ZDHHC14: variants seen among roughly 807,000 people sequenced by gnomAD.
ZDHHC14 encodes the protein zDHHC palmitoyltransferase 14, also known as palmitoyltransferase ZDHHC14.
ZDHHC14 carries 16 observed loss-of-function variants against 47.7 expected under a neutral mutation model. The ratio of observed to expected loss-of-function variants is 0.34; its 90% CI spans 0.23 to 0.51. ZDHHC14 has a LOEUF of 0.51. Ranked by LOEUF, ZDHHC14 falls within the 20% of genes least tolerant of loss-of-function variation. The pLI, the probability that ZDHHC14 is intolerant of heterozygous loss-of-function variation, is 0.97. For missense variants in ZDHHC14, 515 were observed against 662.5 expected, an observed-to-expected ratio of 0.78 and a Z score of 2.44; for synonymous variants, 293 against 278.9, an observed-to-expected ratio of 1.05 and a Z score of -0.50.
intron 1 of ZDHHC14, among the ~76,000 whole-genome samples, chr6:157,426,731 C>G (rs1364040974): frequency 6.6e-6 from 1 of 152,142 alleles, no homozygotes; most frequent in Non-Finnish European, 1.5e-5. Flanking sequence ...GGATGGGGAG[C>G]TGGAAGCCGC....
chr6:157,677,023 C>T lies in ZDHHC14; in HGVS notation c.*3901C>T, dbSNP rs1778980741. The stretch of plus-strand genomic sequence containing the variant: ...AATAAAGGAGAACAAATATTAAATA[C>T]TCTTTTCTAATTGATGCCTTACTAC... On this transcript the variant is annotated 3_prime_UTR_variant, in exon 9 of 9. Transcript: ENST00000359775. 6.6e-6 allele frequency: 1 copy of T among 152,198 alleles called. No homozygotes were observed. Among genetic ancestry groups the T allele is most frequent in the Admixed American group, 6.5e-5 (1 of 15,288 alleles). The allele number at this position is 152,198 out of a possible 1,614,324, so 9.4% of individuals were successfully genotyped here.
intron 1 of ZDHHC14, among the ~76,000 whole-genome samples, chr6:157,493,257 C>T (rs1345344117): frequency 6.6e-6 from 1 of 152,188 alleles, no homozygotes; most frequent in Non-Finnish European, 1.5e-5. Context: ...GGCGGAAAGG[C>T]AAGTTGGGGA....
chr6:157,480,563 G>A (rs190365782), intron 1 of ZDHHC14, among the ~76,000 whole-genome samples: 13 of 152,320 alleles, frequency 8.5e-5, no homozygotes, highest in Admixed American at 4.6e-4. Context: ...CACTGTGCCC[G>A]GCCTAGGCCA....
At chr6:157,417,277 G>A (rs1778002299) in intron 1 of ZDHHC14, among the ~76,000 whole-genome samples, 1 of 152,070 alleles carries the variant, frequency 6.6e-6, no homozygotes, top group Admixed American at 6.5e-5. Flanking sequence ...CATCTGCTCT[G>A]CCTAGTTAGA....
intron 1 of ZDHHC14, among the ~76,000 whole-genome samples, chr6:157,540,328 C>G (rs966284231): frequency 3.9e-5 from 6 of 152,262 alleles, no homozygotes; most frequent in Non-Finnish European, 8.8e-5. Flanking sequence ...GGACAGGGAA[C>G]GGTGGAGGGC....
chr6:157,616,012 A>G (rs1215885410), intron 3 of ZDHHC14, among the ~76,000 whole-genome samples: 1 of 152,172 alleles, frequency 6.6e-6, no homozygotes, highest in Non-Finnish European at 1.5e-5. Context: ...CTGCAGACAC[A>G]TTGGGGGTGC....
At chr6:157,524,693 AT>A (rs1328291782) in intron 1 of ZDHHC14, among the ~76,000 whole-genome samples, 4 of 152,234 alleles carry the variant, frequency 2.6e-5, no homozygotes, top group African/African-American at 9.6e-5. Flanking sequence ...TTAACTAATA[AT>A]TTAAAAGGTT....
At chr6:157,654,686 G>A (rs1298116030) in intron 8 of ZDHHC14, among the ~76,000 whole-genome samples, 1 of 151,876 alleles carries the variant, frequency 6.6e-6, no homozygotes, top group Non-Finnish European at 1.5e-5. Context: ...TGGTGGTGGT[G>A]GTGTCTTGTT....
chr6:157,528,621 A>G (rs1781251047), intron 1 of ZDHHC14, among the ~76,000 whole-genome samples: 1 of 152,050 alleles, frequency 6.6e-6, no homozygotes, highest in Non-Finnish European at 1.5e-5. Context: ...AGTCCCAGCT[A>G]CTCGGGAGGT....
At chr6:157,423,200 T>C (rs960163767) in intron 1 of ZDHHC14, among the ~76,000 whole-genome samples, 2 of 152,208 alleles carry the variant, frequency 1.3e-5, no homozygotes, top group African/African-American at 4.8e-5. Context: ...CATGTGACTT[T>C]AGGCCTTAAT....
chr6:157,386,708 A>G (rs1460705431), intron 1 of ZDHHC14, among the ~76,000 whole-genome samples: 1 of 152,212 alleles, frequency 6.6e-6, no homozygotes, highest in Non-Finnish European at 1.5e-5. Flanking sequence ...AGTGCTATCC[A>G]GACAGCTCAC....
At chr6:157,592,121 A>G (rs993684916) in intron 2 of ZDHHC14, among the ~76,000 whole-genome samples, 11 of 151,984 alleles carry the variant, frequency 7.2e-5, no homozygotes, top group Admixed American at 6.5e-4. Context: ...TGCCCACGTG[A>G]GAACAACCCG....
At position 157,526,711 on chromosome 6, in the gene ZDHHC14, G is replaced by C. The variant is rs141309064; in HGVS notation, c.246-15874G>C. Among the ~76,000 whole-genome samples, 28 of 152,312 alleles carry C rather than the reference G, an allele frequency of 1.8e-4. 1 individual carries two copies. In the East Asian group the frequency reaches 4.4e-3, roughly 24 times the overall value. ...GGCCCTACGTCTGTGCTAGTCTCAG[G>C]GTGGCCTCTGTGCTCCTGCCTACTT... On this transcript the variant is annotated intron_variant, in intron 1 of 8. Transcript: ENST00000359775.
intron 1 of ZDHHC14, among the ~76,000 whole-genome samples, chr6:157,512,688 A>G (rs938352365): frequency 6.6e-6 from 1 of 152,102 alleles, no homozygotes; most frequent in Non-Finnish European, 1.5e-5. Context: ...CACAAAAAAG[A>G]AAGAAAGAAA....
Position 157,454,381 on chromosome 6 carries a change from T to C in ZDHHC14, c.245+72115T>C, listed in dbSNP as rs542333561. Reference sequence around the variant, plus strand: ...GTTATCTCTCTACTTTATGTTAACATACCACACTCTTTAATTTCAGAAGAC... The same window carrying C: ...GTTATCTCTCTACTTTATGTTAACACACCACACTCTTTAATTTCAGAAGAC... On this transcript the variant is annotated intron_variant, in intron 1 of 8. Transcript: ENST00000359775. 5.9e-5 allele frequency among the ~76,000 whole-genome samples: 9 copies of C among 152,356 alleles called. No homozygotes were observed. The East Asian group carries it at 1.5e-3, about 26-fold the overall frequency.
intron 2 of ZDHHC14, among the ~76,000 whole-genome samples, chr6:157,547,497 C>T (rs1782022463): frequency 6.6e-6 from 1 of 151,642 alleles, no homozygotes; most frequent in South Asian, 2.1e-4. Flanking sequence ...TTTTGACCCA[C>T]TGATTTGACT....
At chr6:157,485,392 T>A (rs549365022) in intron 1 of ZDHHC14, among the ~76,000 whole-genome samples, 19 of 152,358 alleles carry the variant, frequency 1.2e-4, no homozygotes, top group Non-Finnish European at 7.3e-5. Context: ...CAGTTTGGAA[T>A]GTGATTTCTC....
chr6:157,465,435 C>T (rs375985713), intron 1 of ZDHHC14, among the ~76,000 whole-genome samples: 3 of 152,100 alleles, frequency 2.0e-5, no homozygotes, highest in Admixed American at 6.5e-5. Context: ...GTAAAAATGC[C>T]CAAGCCCATT....
chr6:157,482,198 A>G (rs1326673403), intron 1 of ZDHHC14, among the ~76,000 whole-genome samples: 2 of 151,374 alleles, frequency 1.3e-5, no homozygotes, highest in Non-Finnish European at 2.9e-5. Flanking sequence ...CCAGTTGGAG[A>G]TGTTTGGTTT....
Sources: allele counts gnomAD v4.1 joint callset (sites outside exome capture counted in the v4.1 genomes callset), GRCh38; gene constraint gnomAD v4.1.1; transcripts MANE v1.5; gene names NCBI Gene and HGNC (gene_info 2026-07-23, HGNC 2026-07-21).